The following ZNF407 variants were observed in gnomAD, a reference collection of about 807,000 sequenced individuals.
The protein encoded by ZNF407 is zinc finger protein 407.
ZNF407 carries 17 observed loss-of-function variants against 131.2 expected under a neutral mutation model. The ratio of observed to expected loss-of-function variants is 0.13; its 90% CI spans 0.09 to 0.19. The LOEUF is 0.19. Ranked by LOEUF, ZNF407 falls within the 10% of genes least tolerant of loss-of-function variation. The pLI is 1.00. For missense variants in ZNF407, 2,681 were observed against 2,830.6 expected (o/e 0.95, Z 1.20); for synonymous variants, 1,156 against 1,062.0 (o/e 1.09, Z -1.72).
intron 1 of ZNF407, among the ~76,000 whole-genome samples, chr18:74,604,973 A>T (rs1268608878): frequency 6.6e-6 from 1 of 152,252 alleles, no homozygotes; most frequent in Non-Finnish European, 1.5e-5. Context: ...AGTTTCGCTT[A>T]GTGGCATAGT....
rs1973150389 is a variant in ZNF407 at position 75,024,609 on chromosome 18, G to T, written c.5429-38541G>T. Among the ~76,000 whole-genome samples the T allele has an allele frequency of 2.0e-5, 3 of 152,196 alleles. No homozygotes were observed. In the South Asian group the frequency reaches 6.2e-4, roughly 31 times the overall value. ...AAGGGTGATGAATTTAAAGCTCTGT[G>T]TAATGGTGTATATTTTTAAAGGAAT... On this transcript the variant is annotated intron_variant, in intron 8 of 8. Transcript: ENST00000299687.
chr18:74,755,785 T>C lies in ZNF407; in HGVS notation c.4803-25643T>C, dbSNP rs1348426382. ...TCTTTCTTTCTTTCTCTCTCTCTCT[T>C]TCCTTCCTTCTTTCATTCATTCGTT... On this transcript the variant is annotated intron_variant, in intron 3 of 8. Transcript: ENST00000299687. 5.7e-3 allele frequency among the ~76,000 whole-genome samples: 258 copies of C among 44,896 alleles called. 2 individuals are homozygous for C. The highest frequency in any genetic ancestry group is 0.014 in the Middle Eastern group (1 of 70). The allele number at this position is 44,896 out of a possible 152,430, so 29.5% of individuals were successfully genotyped here.
At chr18:74,602,440 A>C (rs1015859845) in intron 1 of ZNF407, among the ~76,000 whole-genome samples, 3 of 152,228 alleles carry the variant, frequency 2.0e-5, no homozygotes, top group African/African-American at 7.2e-5. Context: ...TAGCTGAGAA[A>C]ACTGGACGTT....
rs757593341 is a variant in ZNF407, at chr18:75,065,367, A to G, written c.*899A>G. Reference sequence around the variant, plus strand: ...GGATTTCTTCGTGATTTCTGTCCATATGAAAATGCTGACATTAAACATTAA... The same window carrying G: ...GGATTTCTTCGTGATTTCTGTCCATGTGAAAATGCTGACATTAAACATTAA... On this transcript the variant is annotated 3_prime_UTR_variant, in exon 9 of 9. Transcript: ENST00000299687. The G allele has an allele frequency of 2.0e-5, 3 of 152,210 alleles. No homozygotes were observed. The highest frequency in any genetic ancestry group is 4.4e-5 in the Non-Finnish European group (3 of 68,048). 9.4% of individuals were successfully genotyped at this position (152,210 alleles called of 1,614,324 possible).
intron 4 of ZNF407, among the ~76,000 whole-genome samples, chr18:74,816,652 A>G (rs1970271305): frequency 6.6e-6 from 1 of 152,250 alleles, no homozygotes; most frequent in Non-Finnish European, 1.5e-5. Context: ...ACAATTGGAT[A>G]TGACATTTGT....
intron 4 of ZNF407, among the ~76,000 whole-genome samples, chr18:74,825,173 A>G (rs118001882): frequency 0.03 from 4,640 of 152,270 alleles, 105 homozygotes; most frequent in Middle Eastern, 0.058. Flanking sequence ...CTTTCATGCT[A>G]AAAACTCTCA....
At chr18:74,804,012 C>T (rs528844359) in intron 4 of ZNF407, 3 of 1,551,760 alleles carry the variant, frequency 1.9e-6, no homozygotes, top group Non-Finnish European at 2.6e-6. Context: ...GAATACAGAA[C>T]AACAGGAACG....
intron 3 of ZNF407, among the ~76,000 whole-genome samples, chr18:74,673,852 C>T (rs1458981216): frequency 3.3e-5 from 5 of 152,220 alleles, no homozygotes; most frequent in South Asian, 2.1e-4. Flanking sequence ...TTTACAACAG[C>T]GTACATAGGT....
chr18:75,063,502 A>ATCCTC lies in ZNF407; in HGVS notation c.5781_5782insTCCTC (p.Pro1928SerfsTer38), dbSNP rs1254987352. 6.3e-7 allele frequency: 1 copy of ATCCTC among 1,590,744 alleles called. No individual in the cohort carries two copies. The highest frequency in any genetic ancestry group is 1.3e-5 in the African/African-American group (1 of 74,438). Reference sequence around the variant, plus strand: ...CACATGTAGGCAGCGTGGTGCCCGGACCCATCCTCCCCGAGCAGCTGGCTG... The same window carrying ATCCTC: ...CACATGTAGGCAGCGTGGTGCCCGGATCCTCCCCATCCTCCCCGAGCAGCTGGCTG... On this transcript the variant is annotated frameshift_variant, in exon 9 of 9. Coordinates refer to ENST00000299687, the MANE Select transcript of ZNF407 (RefSeq NM_017757.3). LOFTEE classifies it low-confidence loss of function (END_TRUNC). The surrounding 1 kb of genome is among the most constrained non-coding windows in gnomAD (Gnocchi z 6.6).
rs541195097 is a variant in ZNF407, at chr18:75,063,077, T to G, written c.5429-73T>G. On this transcript the variant is annotated intron_variant, in intron 8 of 8. Coordinates refer to ENST00000299687, the MANE Select transcript of ZNF407 (RefSeq NM_017757.3). The surrounding 1 kb of genome is among the most constrained non-coding windows in gnomAD (Gnocchi z 6.6). ...GACTCTGCTGAGGCCTGAGCGCTTC[T>G]GCAGAAGAAGTGTCTTACTTGTAAG... is the stretch of plus-strand genomic sequence containing the variant. The G allele has an allele frequency of 4.3e-6, 6 of 1,396,196 alleles. No homozygotes were observed. In the South Asian group the frequency reaches 6.8e-5, roughly 16 times the overall value. The allele number at this position is 1,396,196 out of a possible 1,614,324, so 86.5% of individuals were successfully genotyped here.
At chr18:74,996,355 C>T (rs1000665254) in intron 8 of ZNF407, among the ~76,000 whole-genome samples, 2 of 152,134 alleles carry the variant, frequency 1.3e-5, no homozygotes, top group South Asian at 2.1e-4. Context: ...ATTTGAGAAA[C>T]GCTTATCACT....
chr18:74,642,872 G>T (rs1054789715), intron 3 of ZNF407, among the ~76,000 whole-genome samples: 3 of 152,054 alleles, frequency 2.0e-5, no homozygotes, highest in Non-Finnish European at 4.4e-5. Flanking sequence ...TGACAGCATT[G>T]AATTTCATCA....
intron 3 of ZNF407, among the ~76,000 whole-genome samples, chr18:74,722,667 G>T (rs1316864489): frequency 6.6e-6 from 1 of 152,126 alleles, no homozygotes; most frequent in Non-Finnish European, 1.5e-5. Flanking sequence ...AACATCCCAG[G>T]CAGGCACCCC....
rs758783807 is a variant in ZNF407 at position 74,635,198 on chromosome 18, C to CAGCTCAAGG, written c.4179_4180insAGCTCAAGG (p.Asp1393_Cys1394insSerSerArg). On this transcript the variant is annotated inframe_insertion, in exon 2 of 9. Transcript: ENST00000299687. This position sits in a 1 kb window ranked among gnomAD's most constrained non-coding sequence, Gnocchi z 4.7. ...GAATTAGTGAGCTGCCCTTGAAAGACTGTGCTCAAGGTGTGAAAAAGAAGA... is the reference window on the plus strand; with the variant it reads ...GAATTAGTGAGCTGCCCTTGAAAGACAGCTCAAGGTGTGCTCAAGGTGTGAAAAAGAAGA... The CAGCTCAAGG allele has an allele frequency of 1.2e-6, 2 of 1,613,866 alleles. No individual in the cohort carries two copies. Among genetic ancestry groups the CAGCTCAAGG allele is most frequent in the African/African-American group, 2.7e-5 (2 of 74,908 alleles).
At position 74,778,482 on chromosome 18, in the gene ZNF407, T is replaced by C. The variant is rs1194258965; in HGVS notation, c.4803-2946T>C. Among the ~76,000 whole-genome samples, 3 of 152,200 alleles carry C rather than the reference T, an allele frequency of 2.0e-5. No individual in the cohort carries two copies. The East Asian group carries it at 5.8e-4, about 29-fold the overall frequency. On this transcript the variant is annotated intron_variant, in intron 3 of 8. Coordinates refer to ENST00000299687, the MANE Select transcript of ZNF407 (RefSeq NM_017757.3). Reference sequence around the variant, plus strand: ...TTGACATTGCTTAATATGATACATATTTTACTGTTTTTTTTTCCTTGTTGT... The same window carrying C: ...TTGACATTGCTTAATATGATACATACTTTACTGTTTTTTTTTCCTTGTTGT...
chr18:74,919,189 A>G (rs952920611), intron 7 of ZNF407, among the ~76,000 whole-genome samples: 9 of 152,206 alleles, frequency 5.9e-5, no homozygotes, highest in African/African-American at 1.9e-4. Context: ...GTGGATAGAT[A>G]CCGTATTCAC....
At chr18:74,776,741 A>G (rs1389819175) in intron 3 of ZNF407, among the ~76,000 whole-genome samples, 1 of 152,180 alleles carries the variant, frequency 6.6e-6, no homozygotes, top group South Asian at 2.1e-4. Flanking sequence ...CTAACAGCCT[A>G]TTGTCGATCA....
intron 8 of ZNF407, among the ~76,000 whole-genome samples, chr18:74,934,156 C>T (rs1056216222): frequency 3.2e-4 from 48 of 152,126 alleles, no homozygotes; most frequent in African/African-American, 8.7e-4. Context: ...GTCATTCTTT[C>T]GTCTTGTGAA....
At chr18:74,855,726 G>A (rs1283811193) in intron 4 of ZNF407, among the ~76,000 whole-genome samples, 1 of 152,090 alleles carries the variant, frequency 6.6e-6, no homozygotes, top group Admixed American at 6.5e-5. Flanking sequence ...AATATCTTCT[G>A]GCCTCTTGTA....
Sources: gnomAD v4.1 joint callset for allele counts (sites outside exome capture counted in the v4.1 genomes callset) on GRCh38, gnomAD v4.1.1 for gene constraint, Gnocchi (gnomAD v3.1) non-coding constraint, MANE v1.5 for transcripts, NCBI Gene and HGNC (gene_info 2026-07-23, HGNC 2026-07-21) for gene names.